SSH2: variants seen among roughly 807,000 people sequenced by gnomAD.
The protein encoded by SSH2 is protein phosphatase Slingshot homolog 2.
In SSH2, 37 loss-of-function variants were observed where a neutral mutation model predicts 135.2. The ratio of observed to expected loss-of-function variants is 0.27; its 90% CI spans 0.21 to 0.36. The LOEUF is 0.36. SSH2 is among the 10% of genes least tolerant of loss of function. SSH2 has a pLI of 1.00. For synonymous variants in SSH2, 628 were observed against 646.2 expected (o/e 0.97, Z 0.43); for missense variants, 1,408 against 1,765.3 (o/e 0.80, Z 3.63).
chr17:29,627,193 T>C lies in SSH2; in HGVS notation c.*3648A>G, dbSNP rs1038023549. ...TTTAATATTCAAAATGTAAACAAAG[T>C]ATCCACAAATAGTCCAAAAAAGCCA... On this transcript the variant is annotated 3_prime_UTR_variant, in exon 16 of 16. Transcript: ENST00000540801. The C allele has an allele frequency of 9.2e-5, 14 of 152,714 alleles. No homozygotes were observed. The highest frequency in any genetic ancestry group is 2.6e-4 in the African/African-American group (11 of 41,550). 9.5% of individuals were successfully genotyped at this position (152,714 alleles called of 1,614,324 possible). A position where few individuals can be genotyped will look rare whatever the true frequency, so the allele number is the denominator to read the frequency against.
intron 3 of SSH2, among the ~76,000 whole-genome samples, chr17:29,791,237 A>T (rs1567976639): frequency 6.6e-6 from 1 of 151,794 alleles, no homozygotes. Context: ...GGCATGCACC[A>T]CCACACCCGG....
At chr17:29,923,690 G>C (rs2067015899) in intron 1 of SSH2, among the ~76,000 whole-genome samples, 1 of 151,888 alleles carries the variant, frequency 6.6e-6, no homozygotes, top group Non-Finnish European at 1.5e-5. Flanking sequence ...GGAATGGAAA[G>C]GTTAGAATGA....
At chr17:29,819,081 CTGGGTG>C (rs760509147) in intron 2 of SSH2, among the ~76,000 whole-genome samples, 1 of 151,880 alleles carries the variant, frequency 6.6e-6, no homozygotes, top group Non-Finnish European at 1.5e-5. Flanking sequence ...ACAAAATTAG[CTGGGTG>C]TGGTGGTGCA....
chr17:29,793,983 A>G lies in SSH2; in HGVS notation c.145-46T>C, dbSNP rs1456169285. 3.1e-6 allele frequency: 4 copies of G among 1,303,904 alleles called. No homozygotes were observed. In the Admixed American group the frequency reaches 7.3e-5, roughly 24 times the overall value. 80.8% of individuals were successfully genotyped at this position (1,303,904 alleles called of 1,614,324 possible). ...AAAAAAAATTAAAACCTGAGGTTTC[A>G]TATCATAATATCACTAATATAATTT... On this transcript the variant is annotated intron_variant, in intron 2 of 15. Transcript: ENST00000540801.
At chr17:29,833,287 T>G (rs1751432384) in intron 2 of SSH2, among the ~76,000 whole-genome samples, 1 of 152,186 alleles carries the variant, frequency 6.6e-6, no homozygotes, top group South Asian at 2.1e-4. Context: ...TGCATATATA[T>G]TTACAATTGT....
intron 2 of SSH2, among the ~76,000 whole-genome samples, chr17:29,814,440 A>T (rs1261128295): frequency 1.3e-5 from 2 of 150,422 alleles, no homozygotes; most frequent in African/African-American, 4.9e-5. Flanking sequence ...CTCAAAAAAA[A>T]AAAAAAAAAA....
chr17:29,808,424 C>T (rs887618107), intron 2 of SSH2, among the ~76,000 whole-genome samples: 3 of 152,202 alleles, frequency 2.0e-5, no homozygotes, highest in Non-Finnish European at 2.9e-5. Flanking sequence ...CCACCACAGC[C>T]GGCCTAACGT....
At chr17:29,822,228 A>G (rs2042666062) in intron 2 of SSH2, among the ~76,000 whole-genome samples, 2 of 152,198 alleles carry the variant, frequency 1.3e-5, no homozygotes, top group Non-Finnish European at 2.9e-5. Flanking sequence ...CATTTAGTAA[A>G]TGAGTACTGC....
At chr17:29,656,364 G>A (rs1386583289) in intron 11 of SSH2, among the ~76,000 whole-genome samples, 1 of 152,072 alleles carries the variant, frequency 6.6e-6, no homozygotes, top group Non-Finnish European at 1.5e-5. Flanking sequence ...TTTTAGTAGA[G>A]GCAGGGTTTC....
At chr17:29,804,227 A>G (rs543984488) in intron 2 of SSH2, among the ~76,000 whole-genome samples, 1 of 152,326 alleles carries the variant, frequency 6.6e-6, no homozygotes, top group African/African-American at 2.4e-5. Context: ...AGGGTTTAAG[A>G]AACCTTAAAT....
At chr17:29,919,539 G>C (rs1375477542) in intron 1 of SSH2, among the ~76,000 whole-genome samples, 1 of 152,160 alleles carries the variant, frequency 6.6e-6, no homozygotes, top group Non-Finnish European at 1.5e-5. Flanking sequence ...ACTCAGTGCT[G>C]AGAAACAAAG....
intron 2 of SSH2, among the ~76,000 whole-genome samples, chr17:29,833,738 C>T (rs1465084677): frequency 5.4e-5 from 5 of 92,782 alleles, no homozygotes; most frequent in African/African-American, 2.2e-4. Context: ...TCCCTACTTC[C>T]CTCCCTTCCT....
At chr17:29,819,276 G>A (rs2042613475) in intron 2 of SSH2, among the ~76,000 whole-genome samples, 1 of 152,000 alleles carries the variant, frequency 6.6e-6, no homozygotes, top group African/African-American at 2.4e-5. Flanking sequence ...CATATCCTGG[G>A]GTCAGTAAAC....
At chr17:29,925,771 A>G (rs1180960924) in intron 1 of SSH2, among the ~76,000 whole-genome samples, 3 of 152,126 alleles carry the variant, frequency 2.0e-5, no homozygotes, top group Non-Finnish European at 4.4e-5. Flanking sequence ...TTTCACCACA[A>G]AAAAAGCTAA....
At chr17:29,699,683 T>C (rs2038900924) in intron 4 of SSH2, among the ~76,000 whole-genome samples, 1 of 152,180 alleles carries the variant, frequency 6.6e-6, no homozygotes, top group Non-Finnish European at 1.5e-5. Context: ...TCACATGCCA[T>C]AGAGTAATTT....
intron 2 of SSH2, among the ~76,000 whole-genome samples, chr17:29,833,663 CCT>C (rs2042888494): frequency 6.7e-6 from 1 of 148,982 alleles, no homozygotes; most frequent in Non-Finnish European, 1.5e-5. Flanking sequence ...TTCCTTCCTT[CCT>C]TCCTTCTTTC....
At chr17:29,865,295 TA>T (rs1183123045) in intron 1 of SSH2, among the ~76,000 whole-genome samples, 2 of 152,180 alleles carry the variant, frequency 1.3e-5, no homozygotes, top group Non-Finnish European at 2.9e-5. Context: ...TGTGGAGAGA[TA>T]ACATTTATTT....
At chr17:29,791,317 C>T (rs979595775) in intron 3 of SSH2, among the ~76,000 whole-genome samples, 28 of 152,146 alleles carry the variant, frequency 1.8e-4, no homozygotes, top group Admixed American at 1.3e-3. Context: ...AACTCCTGAC[C>T]TCATGTGATC....
chr17:29,918,051 G>A (rs918219291), intron 1 of SSH2, among the ~76,000 whole-genome samples: 2 of 152,000 alleles, frequency 1.3e-5, no homozygotes, highest in Non-Finnish European at 2.9e-5. Flanking sequence ...GCATGGTGGC[G>A]TGAGCATCTG....
Sources: gnomAD v4.1 joint callset for allele counts (sites outside exome capture counted in the v4.1 genomes callset) on GRCh38, gnomAD v4.1.1 for gene constraint, MANE v1.5 for transcripts, NCBI Gene and HGNC (gene_info 2026-07-23, HGNC 2026-07-21) for gene names.